Variants in WHRN observed in about 807,000 individuals in gnomAD.
WHRN encodes the protein CASK-interacting protein CIP98.
WHRN carries 41 observed loss-of-function variants against 68.3 expected under a neutral mutation model. The ratio of observed to expected loss-of-function variants is 0.60; its 90% CI spans 0.47 to 0.78. The LOEUF (loss-of-function observed/expected upper bound fraction) is 0.78. Ranked by LOEUF, WHRN falls within the 30% of genes least tolerant of loss-of-function variation. The pLI, the probability that WHRN is intolerant of heterozygous loss-of-function variation, is 0.00. For missense variants in WHRN, 1,243 were observed against 1,244.7 expected (o/e 1.00, Z 0.02); for synonymous variants, 560 against 561.3 (o/e 1.00, Z 0.03).
intron 1 of WHRN, among the ~76,000 whole-genome samples, chr9:114,492,571 C>T (rs1484446382): frequency 6.6e-6 from 1 of 152,206 alleles, no homozygotes; most frequent in Non-Finnish European, 1.5e-5. Context: ...CAAATGCATA[C>T]ACAGATGCAC....
At chr9:114,447,773 T>A (rs1366869482) in intron 3 of WHRN, among the ~76,000 whole-genome samples, 1 of 151,528 alleles carries the variant, frequency 6.6e-6, no homozygotes, top group African/African-American at 2.4e-5. Flanking sequence ...TCTCTCTCTC[T>A]TTCTCTCTGT....
At chr9:114,456,123 T>TA (rs72171841) in intron 3 of WHRN, among the ~76,000 whole-genome samples, 24 of 145,782 alleles carry the variant, frequency 1.6e-4, no homozygotes, top group African/African-American at 3.3e-4. Context: ...TGAGAATGTG[T>TA]AAAAAAAAAA....
chr9:114,423,488 G>T lies in WHRN; in HGVS notation c.1452C>A (p.Ser484=), dbSNP rs772388707. 6.2e-7 allele frequency: 1 copy of T among 1,612,066 alleles called. No homozygotes were observed. Among genetic ancestry groups the T allele is most frequent in the African/African-American group, 1.3e-5 (1 of 74,858 alleles). ...GGTCGAAGCGTTCTAGGTCTTGCGG[G>T]GAAATGGTGCCTCTCACCTCAGAGA... ...SLLSEVRGTI[S]PQDLERFDHL... Residue 484 remains serine, a synonymous_variant, in exon 7 of 12, where the codon TCC becomes TCA. Coordinates refer to ENST00000362057, the MANE Select transcript of WHRN (RefSeq NM_015404.4).
At chr9:114,483,607 C>G (rs1020393027) in intron 1 of WHRN, among the ~76,000 whole-genome samples, 3 of 152,204 alleles carry the variant, frequency 2.0e-5, no homozygotes, top group Admixed American at 2.0e-4. Context: ...ACTCATTTTA[C>G]TTCTCTCACC....
chr9:114,472,122 T>C (rs1841275894), intron 2 of WHRN, among the ~76,000 whole-genome samples: 1 of 152,240 alleles, frequency 6.6e-6, no homozygotes, highest in Non-Finnish European at 1.5e-5. Context: ...GATAGCGCCA[T>C]CCAGGGCTGT....
chr9:114,408,707 C>G, intron 7 of WHRN, among the ~76,000 whole-genome samples: 1 of 152,246 alleles, frequency 6.6e-6, no homozygotes, highest in Non-Finnish European at 1.5e-5. Context: ...GCTTCCACCA[C>G]TGTGATGATT....
At position 114,478,715 on chromosome 9, in the gene WHRN, A is replaced by G. The variant is rs2133134050; in HGVS notation, c.675T>C (p.Pro225=). The change falls in exon 2 of 12, where the codon CCT becomes CCC. Residue 225 remains proline, a synonymous_variant. Coordinates refer to ENST00000362057, the MANE Select transcript of WHRN (RefSeq NM_015404.4). ...AGATGTGGTTGGTGACGTAGCCCCC[A>G]GGGATGCGCCCTGCTGAGTACACAG... ...VLSVYSAGRI[P]GGYVTNHIYT... 1 of 1,612,580 alleles carries G rather than the reference A, an allele frequency of 6.2e-7. No homozygotes were observed. The highest frequency in any genetic ancestry group is 8.5e-7 in the Non-Finnish European group (1 of 1,179,938).
intron 3 of WHRN, among the ~76,000 whole-genome samples, chr9:114,446,305 C>A (rs1471866538): frequency 3.3e-5 from 5 of 151,996 alleles, no homozygotes; most frequent in African/African-American, 1.2e-4. Flanking sequence ...TCTAGAGAGA[C>A]AGAAAGCAGA....
At chr9:114,404,402 T>C (rs1011749577) in intron 9 of WHRN, among the ~76,000 whole-genome samples, 3 of 152,246 alleles carry the variant, frequency 2.0e-5, no homozygotes, top group African/African-American at 7.2e-5. Context: ...ATGTGGGTGT[T>C]TTCTTTGTTT....
Position 114,425,413 on chromosome 9 carries a change from A to C in WHRN, c.1167-389T>G. ...ACTGGAGATCCCAGATGCAACTCGC[A>C]GGTGCGGCTCAGCTCCAGCCGATGT... On this transcript the variant is annotated intron_variant, in intron 4 of 11. Transcript: ENST00000362057. 1.6e-5 allele frequency: 9 copies of C among 550,512 alleles called. No homozygotes were observed. The East Asian group carries it at 2.6e-4, about 16-fold the overall frequency. The allele number at this position is 550,512 out of a possible 1,614,324, so 34.1% of individuals were successfully genotyped here. A position where few individuals can be genotyped will look rare whatever the true frequency, so the allele number is the denominator to read the frequency against.
rs774631358 is a variant in WHRN, at chr9:114,402,716, G to A, written c.*38C>T. On this transcript the variant is annotated 3_prime_UTR_variant, in exon 12 of 12. Transcript: ENST00000362057. Reference sequence around the variant, plus strand: ...AACGGTGGAAAGGGACTGGGACCAGGGGCTGGGCAGTGGTGGGAGGCCCTC... The same window carrying A: ...AACGGTGGAAAGGGACTGGGACCAGAGGCTGGGCAGTGGTGGGAGGCCCTC... 4 of 1,612,512 alleles carry A rather than the reference G, an allele frequency of 2.5e-6. No individual in the cohort carries two copies. Among genetic ancestry groups the A allele is most frequent in the Admixed American group, 3.3e-5 (2 of 60,032 alleles).
intron 3 of WHRN, among the ~76,000 whole-genome samples, chr9:114,443,750 C>T (rs1685825888): frequency 6.6e-6 from 1 of 152,184 alleles, no homozygotes; most frequent in Admixed American, 6.5e-5. Flanking sequence ...TCATGAATAG[C>T]CAAACAGAAC....
At chr9:114,496,627 C>T (rs1305798583) in intron 1 of WHRN, among the ~76,000 whole-genome samples, 1 of 152,208 alleles carries the variant, frequency 6.6e-6, no homozygotes, top group South Asian at 2.1e-4. Flanking sequence ...CATTACAATG[C>T]TTGCAGCAGG....
At chr9:114,421,208 C>T (rs756533053) in intron 7 of WHRN, among the ~76,000 whole-genome samples, 1 of 152,192 alleles carries the variant, frequency 6.6e-6, no homozygotes, top group East Asian at 1.9e-4. Context: ...GCAGTGAGAG[C>T]CCCTCTGGCA....
In WHRN at chr9:114,423,328, C is replaced by T. The variant is rs781298298; in HGVS notation, c.1612G>A (p.Val538Ile). The change falls in exon 7 of 12, where the codon GTC becomes ATC. Residue 538 changes from valine to isoleucine, a missense_variant. Physicochemically the swap from Val to Ile is conservative, Grantham distance 29 (BLOSUM62 3). Transcript: ENST00000362057. ...AAGAAGCTCACCCTGGCCGAGCTGA[C>T]GGTGGTGGAGGTGCCGTGGCTGCCT... ...STGSHGTSTT[V>I]SSARNTLDLE... 38 of 1,613,822 alleles carry T rather than the reference C, an allele frequency of 2.4e-5. No homozygotes were observed. Among genetic ancestry groups the T allele is most frequent in the East Asian group, 4.5e-5 (2 of 44,858 alleles).
intron 3 of WHRN, among the ~76,000 whole-genome samples, chr9:114,453,832 T>C (rs1360599650): frequency 1.3e-5 from 2 of 152,206 alleles, no homozygotes; most frequent in African/African-American, 4.8e-5. Flanking sequence ...AAGCCAGCAT[T>C]ATATAATACT....
At chr9:114,487,762 A>G (rs1842664012) in intron 1 of WHRN, among the ~76,000 whole-genome samples, 1 of 152,168 alleles carries the variant, frequency 6.6e-6, no homozygotes, top group Non-Finnish European at 1.5e-5. Context: ...TAGTTCCTGT[A>G]TCTACCTGCA....
intron 1 of WHRN, among the ~76,000 whole-genome samples, chr9:114,501,574 AC>A (rs1843927863): frequency 1.3e-5 from 2 of 151,678 alleles, no homozygotes; most frequent in African/African-American, 4.8e-5. Flanking sequence ...ACACACACAC[AC>A]ACACACACAC....
intron 3 of WHRN, among the ~76,000 whole-genome samples, chr9:114,448,799 T>C (rs1445920951): frequency 6.6e-6 from 1 of 152,154 alleles, no homozygotes; most frequent in African/African-American, 2.4e-5. Context: ...AGCACCCAGA[T>C]GTTGAGTGTT....
Sources: allele counts gnomAD v4.1 joint callset (sites outside exome capture counted in the v4.1 genomes callset), GRCh38; gene constraint gnomAD v4.1.1; transcripts MANE v1.5; gene names NCBI Gene and HGNC (gene_info 2026-07-23, HGNC 2026-07-21).